ATRNL1: variants seen among roughly 807,000 people sequenced by gnomAD.
ATRNL1 encodes the protein attractin-like protein 1.
Under a neutral mutation model 182.7 loss-of-function variants are expected in ATRNL1, and 95 were observed. The observed-to-expected ratio is 0.52, with a 90% CI of 0.44 to 0.62. The LOEUF (loss-of-function observed/expected upper bound fraction) is 0.62. ATRNL1 is among the 20% of genes least tolerant of loss of function. ATRNL1 has a pLI of 0.00. For synonymous variants in ATRNL1, 576 were observed against 568.3 expected (o/e 1.01, Z -0.19); for missense variants, 1,471 against 1,679.5 (o/e 0.88, Z 2.17).
intron 27 of ATRNL1, among the ~76,000 whole-genome samples, chr10:115,843,995 C>T (rs531502446): frequency 1.6e-4 from 24 of 152,178 alleles, no homozygotes; most frequent in Middle Eastern, 3.4e-3. Context: ...AAAATGGAAA[C>T]AGTCAGTGTC....
chr10:115,790,046 G>T (rs781977236), intron 27 of ATRNL1, among the ~76,000 whole-genome samples: 1 of 152,078 alleles, frequency 6.6e-6, no homozygotes, highest in Non-Finnish European at 1.5e-5. Context: ...AGAGAATAAA[G>T]ATATTTGTAT....
chr10:115,568,694 A>C (rs1267529619), intron 26 of ATRNL1, among the ~76,000 whole-genome samples: 1 of 151,990 alleles, frequency 6.6e-6, no homozygotes, highest in South Asian at 2.1e-4. Flanking sequence ...TTGATTTTGG[A>C]GTGTTAGGTT....
At chr10:115,471,507 T>C (rs1427705195) in intron 24 of ATRNL1, among the ~76,000 whole-genome samples, 2 of 151,096 alleles carry the variant, frequency 1.3e-5, no homozygotes, top group African/African-American at 2.4e-5. Context: ...CTAACACTTG[T>C]TATCTTTTGT....
At chr10:115,242,931 T>C (rs1047976975) in intron 10 of ATRNL1, among the ~76,000 whole-genome samples, 1 of 151,992 alleles carries the variant, frequency 6.6e-6, no homozygotes, top group Non-Finnish European at 1.5e-5. Flanking sequence ...ATTAGTAAAA[T>C]GGGTTGAATG....
chr10:115,491,984 G>C (rs1041075011), intron 24 of ATRNL1, among the ~76,000 whole-genome samples: 1 of 152,152 alleles, frequency 6.6e-6, no homozygotes, highest in African/African-American at 2.4e-5. Flanking sequence ...GCTTCCCTTG[G>C]CTAGGGGAGG....
chr10:115,677,771 A>G (rs1449274282), intron 26 of ATRNL1, among the ~76,000 whole-genome samples: 1 of 151,956 alleles, frequency 6.6e-6, no homozygotes. Context: ...CAGAGGAGGG[A>G]GAGAATAGGG....
At chr10:115,318,071 A>G (rs1469419125) in intron 18 of ATRNL1, among the ~76,000 whole-genome samples, 2 of 152,116 alleles carry the variant, frequency 1.3e-5, no homozygotes, top group African/African-American at 4.8e-5. Flanking sequence ...TGTTCCATCA[A>G]TACCTAGTTT....
chr10:115,547,614 C>G (rs1314588290), intron 25 of ATRNL1, among the ~76,000 whole-genome samples: 3 of 151,702 alleles, frequency 2.0e-5, no homozygotes, highest in African/African-American at 7.3e-5. Context: ...AAGGAATATC[C>G]GTAATTTAAA....
At chr10:115,170,912 A>G in intron 7 of ATRNL1, 125 bp from the exon 8 acceptor site, 1 of 488,832 alleles carries the variant, frequency 2.0e-6, no homozygotes, top group Non-Finnish European at 3.3e-6. Context: ...ACAAATGAGA[A>G]CAATGCCTTA....
intron 25 of ATRNL1, among the ~76,000 whole-genome samples, chr10:115,544,039 A>G (rs781958210): frequency 1.3e-5 from 2 of 152,124 alleles, no homozygotes; most frequent in African/African-American, 4.8e-5. Flanking sequence ...TCCCCCATCA[A>G]TATCTATATC....
chr10:115,893,135 C>T (rs945130908), intron 28 of ATRNL1, among the ~76,000 whole-genome samples: 3 of 152,102 alleles, frequency 2.0e-5, no homozygotes, highest in Non-Finnish European at 4.4e-5. Context: ...GCTGACAATG[C>T]AGGTTCGAGT....
intron 27 of ATRNL1, among the ~76,000 whole-genome samples, chr10:115,800,644 C>T (rs896654828): frequency 7.2e-5 from 11 of 151,954 alleles, no homozygotes; most frequent in African/African-American, 2.4e-4. Context: ...TGTGTCCCTA[C>T]GAAATGCATA....
intron 8 of ATRNL1, among the ~76,000 whole-genome samples, chr10:115,194,797 AT>A (rs1302437919): frequency 5.4e-5 from 8 of 148,684 alleles, no homozygotes; most frequent in East Asian, 4.0e-4. Flanking sequence ...TATAAAAGTG[AT>A]TTTTTTTTCT....
chr10:115,759,880 A>AGAC (rs1268665875), intron 27 of ATRNL1, among the ~76,000 whole-genome samples: 3 of 120,806 alleles, frequency 2.5e-5, no homozygotes, highest in African/African-American at 1.0e-4. Flanking sequence ...TTTTTAGTAG[A>AGAC]GACCAGGTTT....
At chr10:115,516,849 C>A (rs1369104971) in intron 24 of ATRNL1, among the ~76,000 whole-genome samples, 1 of 151,846 alleles carries the variant, frequency 6.6e-6, no homozygotes, top group Non-Finnish European at 1.5e-5. Context: ...GTGAGGCCAG[C>A]AGCTCTAACC....
chr10:115,447,152 T>C (rs1847040487), intron 21 of ATRNL1, among the ~76,000 whole-genome samples: 1 of 151,800 alleles, frequency 6.6e-6, no homozygotes, highest in Non-Finnish European at 1.5e-5. Context: ...ATTTAAAATG[T>C]GTTAAAAAGT....
At chr10:115,934,262 G>A (rs1305049018) in intron 28 of ATRNL1, among the ~76,000 whole-genome samples, 1 of 152,134 alleles carries the variant, frequency 6.6e-6, no homozygotes, top group Non-Finnish European at 1.5e-5. Context: ...CTTCGATTTT[G>A]TTAAACCCTT....
chr10:115,575,741 T>A (rs1271864970), intron 26 of ATRNL1, among the ~76,000 whole-genome samples: 1 of 152,052 alleles, frequency 6.6e-6, no homozygotes, highest in Admixed American at 6.6e-5. Flanking sequence ...AGCTCTTACC[T>A]TTTTTTGTGG....
At chr10:115,596,630 G>A (rs1159313501) in intron 26 of ATRNL1, among the ~76,000 whole-genome samples, 1 of 152,236 alleles carries the variant, frequency 6.6e-6, no homozygotes, top group East Asian at 1.9e-4. Flanking sequence ...GCTGAAGGGC[G>A]TGTTTAGTTG....
Sources: allele counts gnomAD v4.1 joint callset (sites outside exome capture counted in the v4.1 genomes callset), GRCh38; gene constraint gnomAD v4.1.1; transcripts MANE v1.5; gene names NCBI Gene and HGNC (gene_info 2026-07-23, HGNC 2026-07-21).